The following NELL1 variants were observed in gnomAD, a reference collection of about 807,000 sequenced individuals.
The protein encoded by NELL1 is protein kinase C-binding protein NELL1.
A neutral mutation model predicts 107.4 loss-of-function variants in NELL1; 76 were observed. The ratio of observed to expected loss-of-function variants is 0.71; its 90% CI spans 0.59 to 0.86. The LOEUF (loss-of-function observed/expected upper bound fraction) is 0.86. NELL1 is among the 40% of genes least tolerant of loss of function. The probability of loss-of-function intolerance (pLI) is 0.00; values close to 1 mark genes in which losing one functional copy is unlikely to be tolerated. For missense variants in NELL1, 1,024 were observed against 1,005.5 expected, an observed-to-expected ratio of 1.02 and a Z score of -0.25; for synonymous variants, 353 against 341.2, an observed-to-expected ratio of 1.03 and a Z score of -0.38.
chr11:21,130,794 T>C (rs577047778), intron 13 of NELL1, among the ~76,000 whole-genome samples: 97 of 152,272 alleles, frequency 6.4e-4, no homozygotes, highest in African/African-American at 2.2e-3. Flanking sequence ...AGTATGTTCT[T>C]TGGGGCTTTG....
chr11:21,573,977 C>T (rs1334812390), intron 19 of NELL1, among the ~76,000 whole-genome samples: 1 of 151,794 alleles, frequency 6.6e-6, no homozygotes, highest in African/African-American at 2.4e-5. Context: ...GATTATTTCC[C>T]TGTCTTTTTG....
chr11:20,835,680 GT>G (rs1848522474), intron 3 of NELL1, among the ~76,000 whole-genome samples: 1 of 152,058 alleles, frequency 6.6e-6, no homozygotes, highest in African/African-American at 2.4e-5. Context: ...TGGAAAAAAC[GT>G]TCTTTTCTTC....
chr11:20,721,181 G>GTGTGTATATATATATATATATATATATA (rs1554906545), intron 2 of NELL1, among the ~76,000 whole-genome samples: 1 of 125,850 alleles, frequency 7.9e-6, no homozygotes, highest in African/African-American at 3.6e-5. Flanking sequence ...TATATTTTGT[G>GTGTGTATATATATATATATATATATATA]TATATATATA....
At chr11:20,737,773 A>G (rs1366657515) in intron 2 of NELL1, among the ~76,000 whole-genome samples, 4 of 151,950 alleles carry the variant, frequency 2.6e-5, no homozygotes, top group Admixed American at 1.3e-4. Context: ...TATTATTTCC[A>G]AAGAATATTC....
intron 15 of NELL1, among the ~76,000 whole-genome samples, chr11:21,488,647 T>C (rs1228565679): frequency 1.3e-5 from 2 of 152,060 alleles, no homozygotes; most frequent in Non-Finnish European, 2.9e-5. Flanking sequence ...TTGAAAAGTA[T>C]ACAAATACAA....
intron 15 of NELL1, among the ~76,000 whole-genome samples, chr11:21,425,054 T>C (rs919206978): frequency 6.6e-6 from 1 of 152,086 alleles, no homozygotes; most frequent in Non-Finnish European, 1.5e-5. Context: ...GCAAAATTAA[T>C]TCAAAAGCCT....
chr11:21,210,892 G>A (rs1447372973), intron 13 of NELL1, among the ~76,000 whole-genome samples: 1 of 152,096 alleles, frequency 6.6e-6, no homozygotes, highest in Non-Finnish European at 1.5e-5. Context: ...TTCTTGACCT[G>A]TCTACAGCTT....
chr11:21,061,520 C>A (rs1453408481), intron 12 of NELL1, among the ~76,000 whole-genome samples: 1 of 152,152 alleles, frequency 6.6e-6, no homozygotes, highest in Non-Finnish European at 1.5e-5. Flanking sequence ...ACTAGCTAGC[C>A]TTGGACAAGG....
intron 12 of NELL1, among the ~76,000 whole-genome samples, chr11:20,982,844 C>T (rs368047968): frequency 1.3e-5 from 2 of 152,126 alleles, no homozygotes; most frequent in Admixed American, 6.5e-5. Flanking sequence ...ATCTTAAAAG[C>T]GTAGAGCTTA....
chr11:21,454,813 T>C (rs1444756741), intron 15 of NELL1, among the ~76,000 whole-genome samples: 2 of 152,236 alleles, frequency 1.3e-5, no homozygotes, highest in Non-Finnish European at 2.9e-5. Context: ...AAAGGGACAC[T>C]AATTTCACCA....
chr11:21,574,276 T>C (rs947118729), intron 19 of NELL1, among the ~76,000 whole-genome samples: 1 of 151,532 alleles, frequency 6.6e-6, no homozygotes, highest in Non-Finnish European at 1.5e-5. Flanking sequence ...TGGGAAAGTA[T>C]CATCTTAAGA....
intron 12 of NELL1, among the ~76,000 whole-genome samples, chr11:21,107,752 G>A (rs1464904411): frequency 6.6e-6 from 1 of 152,190 alleles, no homozygotes; most frequent in Non-Finnish European, 1.5e-5. Flanking sequence ...ACCTGAATGT[G>A]TCAAGAACTT....
intron 12 of NELL1, among the ~76,000 whole-genome samples, chr11:21,058,219 A>G (rs1853656790): frequency 6.6e-6 from 1 of 152,164 alleles, no homozygotes; most frequent in Non-Finnish European, 1.5e-5. Context: ...TTAGGCATAC[A>G]GATTCATAAG....
intron 5 of NELL1, among the ~76,000 whole-genome samples, chr11:20,893,275 G>A (rs1210776673): frequency 6.6e-6 from 1 of 151,700 alleles, no homozygotes; most frequent in East Asian, 1.9e-4. Context: ...AGGGGTGAGG[G>A]GAGGGAATTT....
chr11:21,353,660 G>A (rs963365000), intron 14 of NELL1, among the ~76,000 whole-genome samples: 3 of 152,252 alleles, frequency 2.0e-5, no homozygotes, highest in Admixed American at 6.5e-5. Context: ...AATCAGACAC[G>A]CTCGCTTAAG....
intron 14 of NELL1, among the ~76,000 whole-genome samples, chr11:21,314,883 A>G (rs1849841041): frequency 6.7e-6 from 1 of 148,544 alleles, no homozygotes; most frequent in Non-Finnish European, 1.5e-5. Context: ...TTTGAGACAA[A>G]TCTCACTCTG....
At chr11:20,944,954 T>A (rs1020650662) in intron 10 of NELL1, among the ~76,000 whole-genome samples, 6 of 152,204 alleles carry the variant, frequency 3.9e-5, no homozygotes, top group Non-Finnish European at 7.3e-5. Context: ...TTTTTAATAT[T>A]TTGTTTTTAC....
intron 14 of NELL1, among the ~76,000 whole-genome samples, chr11:21,270,082 A>T (rs1848710695): frequency 6.6e-6 from 1 of 152,102 alleles, no homozygotes; most frequent in Non-Finnish European, 1.5e-5. Context: ...AGAAAAATAG[A>T]ATATCATAAA....
chr11:20,798,647 G>C (rs77860205), intron 3 of NELL1, among the ~76,000 whole-genome samples: 212 of 152,268 alleles, frequency 1.4e-3, no homozygotes, highest in Non-Finnish European at 2.5e-3. Flanking sequence ...TTTAACTCCT[G>C]ACTTGCTGAT....
Sources: gnomAD v4.1 joint callset for allele counts (sites outside exome capture counted in the v4.1 genomes callset) on GRCh38, gnomAD v4.1.1 for gene constraint, MANE v1.5 for transcripts, NCBI Gene and HGNC (gene_info 2026-07-23, HGNC 2026-07-21) for gene names.